The following CTPS2 variants were observed in gnomAD, a reference collection of about 807,000 sequenced individuals.
The protein encoded by CTPS2 is CTP synthase 2.
A neutral mutation model predicts 46.8 loss-of-function variants in CTPS2; 19 were observed. The ratio of observed to expected loss-of-function variants is 0.41; its 90% confidence interval spans 0.28 to 0.60. The LOEUF is 0.60. Ranked by LOEUF, CTPS2 falls within the 20% of genes least tolerant of loss-of-function variation. The pLI, the probability that CTPS2 is intolerant of heterozygous loss-of-function variation, is 0.35. For missense variants in CTPS2, 286 were observed against 447.6 expected (o/e 0.64, Z 3.26); for synonymous variants, 151 against 165.2 (o/e 0.91, Z 0.66).
intron 13 of CTPS2, among the ~76,000 whole-genome samples, chrX:16,662,311 C>A (rs1295232404): frequency 9.0e-6 from 1 of 111,484 alleles, no homozygotes; most frequent in Non-Finnish European, 1.9e-5. Flanking sequence ...AGAGAAATGA[C>A]ACAATAAAAT....
chrX:16,595,910 C>A (rs903243431), intron 17 of CTPS2, among the ~76,000 whole-genome samples: 1 of 112,610 alleles, frequency 8.9e-6, no homozygotes, highest in Non-Finnish European at 1.9e-5. Context: ...TGCTCTGTCA[C>A]CCAGGCTGGA....
At chrX:16,643,484 G>T (rs979593656) in intron 13 of CTPS2, among the ~76,000 whole-genome samples, 1 of 111,447 alleles carries the variant, frequency 9.0e-6, no homozygotes, top group Non-Finnish European at 1.9e-5. Flanking sequence ...TGGGATTATA[G>T]GCATGAGCCA....
chrX:16,657,311 G>A (rs758957332), intron 13 of CTPS2, among the ~76,000 whole-genome samples: 1 of 105,250 alleles, frequency 9.5e-6, no homozygotes, highest in Non-Finnish European at 1.9e-5. Context: ...AAAGGAACAC[G>A]TACCCATGCT....
At chrX:16,636,973 A>G (rs958339813) in intron 14 of CTPS2, among the ~76,000 whole-genome samples, 1 of 112,428 alleles carries the variant, frequency 8.9e-6, no homozygotes, top group Non-Finnish European at 1.9e-5. Flanking sequence ...CTAATAGACA[A>G]ATTATATGAT....
chrX:16,709,591 C>T (rs1480279184), intron 1 of CTPS2, among the ~76,000 whole-genome samples: 2 of 110,952 alleles, frequency 1.8e-5, no homozygotes. Flanking sequence ...TGGCTCACGC[C>T]TGTAATCCCA....
At chrX:16,667,446 T>C in intron 13 of CTPS2, 68 bp downstream of exon 13, 1 of 1,116,570 alleles carries the variant, frequency 9.0e-7, no homozygotes, top group Non-Finnish European at 1.2e-6. Flanking sequence ...TAGCCCCTTA[T>C]GAATTTAGGC....
chrX:16,650,952 C>A, intron 13 of CTPS2: 1 of 1,127,211 alleles, frequency 8.9e-7, no homozygotes, highest in Non-Finnish European at 1.2e-6. Context: ...CAGCACAAAA[C>A]TGTACTTCAG....
intron 1 of CTPS2, among the ~76,000 whole-genome samples, chrX:16,703,870 A>G (rs1023950141): frequency 3.6e-5 from 4 of 110,932 alleles, no homozygotes; most frequent in Non-Finnish European, 5.7e-5. Flanking sequence ...GCATGCTAAA[A>G]TGTTTAAGAG....
At chrX:16,693,001 G>A (rs1380721826) in intron 6 of CTPS2, 140 bp downstream of exon 6, 16 of 463,864 alleles carry the variant, frequency 3.4e-5, no homozygotes, top group Non-Finnish European at 4.5e-5. Flanking sequence ...AGGTTGCAAT[G>A]AGCCAAGACT....
intron 17 of CTPS2, among the ~76,000 whole-genome samples, chrX:16,603,192 G>A (rs1929762835): frequency 9.0e-6 from 1 of 110,777 alleles, no homozygotes; most frequent in Non-Finnish European, 1.9e-5. Flanking sequence ...CGAGGCGGGT[G>A]GATCACGAGG....
At chrX:16,630,349 G>A (rs139781874) in intron 14 of CTPS2, among the ~76,000 whole-genome samples, 1,298 of 106,094 alleles carry the variant, frequency 0.012, 17 homozygotes, top group South Asian at 0.03. Context: ...CTGCCTCCCG[G>A]GTTCCAGCAA....
intron 17 of CTPS2, among the ~76,000 whole-genome samples, chrX:16,607,394 C>A (rs958840248): frequency 8.0e-5 from 9 of 112,427 alleles, no homozygotes; most frequent in African/African-American, 2.9e-4. Flanking sequence ...TCTTGCAGAA[C>A]CATGGCACAT....
chrX:16,659,329 G>C (rs968884769), intron 13 of CTPS2, among the ~76,000 whole-genome samples: 1 of 111,626 alleles, frequency 9.0e-6, no homozygotes, highest in Non-Finnish European at 1.9e-5. Context: ...CAGGTCAGGG[G>C]AAGGATTCAT....
Position 16,672,192 on chromosome X carries a change from T to C in CTPS2, c.1095-1518A>G, listed in dbSNP as rs1003409974. On this transcript the variant is annotated intron_variant, in intron 10 of 18. Coordinates refer to ENST00000359276, the MANE Select transcript of CTPS2 (RefSeq NM_175859.3). Reference sequence around the variant, plus strand: ...TTTGGATTATTCTGCCTTGCACTCTTTGCTGATAGCTATGGGTGACAGAAC... The same window carrying C: ...TTTGGATTATTCTGCCTTGCACTCTCTGCTGATAGCTATGGGTGACAGAAC... Among the ~76,000 whole-genome samples the C allele has an allele frequency of 3.6e-5, 4 of 111,408 alleles. No homozygotes were observed. The Admixed American group carries it at 3.8e-4, about 11-fold the overall frequency.
At chrX:16,652,326 A>T (rs1158680712) in intron 13 of CTPS2, among the ~76,000 whole-genome samples, 1 of 112,138 alleles carries the variant, frequency 8.9e-6, no homozygotes, top group African/African-American at 3.2e-5. Context: ...AAATATTTTA[A>T]CCAGCTCTCC....
chrX:16,624,776 C>T (rs1253074217), intron 14 of CTPS2, among the ~76,000 whole-genome samples: 1 of 111,164 alleles, frequency 9.0e-6, no homozygotes, highest in Admixed American at 9.6e-5. Context: ...TTTTTAGAGA[C>T]AAAATAAAAT....
At chrX:16,686,412 GC>G (rs35172907) in intron 8 of CTPS2, among the ~76,000 whole-genome samples, 60,135 of 108,307 alleles carry the variant, frequency 0.56, 13,676 homozygotes, top group African/African-American at 0.86. Context: ...TTGAATGGTG[GC>G]CCCCCCCCAA....
At chrX:16,609,511 G>T (rs1930155722) in intron 17 of CTPS2, 30 bp downstream of exon 17, 1 of 1,200,325 alleles carries the variant, frequency 8.3e-7, no homozygotes. Context: ...ATGCATCTTG[G>T]TTTATTGCTA....
chrX:16,651,658 C>A (rs1932639007), intron 13 of CTPS2, among the ~76,000 whole-genome samples: 1 of 112,324 alleles, frequency 8.9e-6, no homozygotes, highest in Non-Finnish European at 1.9e-5. Flanking sequence ...GTGTTCATCA[C>A]TTAAATTTGT....
Sources: allele counts gnomAD v4.1 joint callset (sites outside exome capture counted in the v4.1 genomes callset), GRCh38; gene constraint gnomAD v4.1.1; transcripts MANE v1.5; gene names NCBI Gene and HGNC (gene_info 2026-07-23, HGNC 2026-07-21).